Variants in VPS13B observed in about 807,000 individuals in gnomAD.
VPS13B encodes vacuolar protein sorting 13 homolog B.
Under a neutral mutation model 426.4 loss-of-function variants are expected in VPS13B, and 285 were observed. The ratio of observed to expected loss-of-function variants is 0.67; its 90% confidence interval spans 0.61 to 0.74. The LOEUF (loss-of-function observed/expected upper bound fraction) is 0.74. VPS13B is among the 30% of genes least tolerant of loss of function. The probability of loss-of-function intolerance (pLI) is 0.00; values close to 1 mark genes in which losing one functional copy is unlikely to be tolerated. For synonymous variants in VPS13B, 1,676 were observed against 1,676.4 expected, an observed-to-expected ratio of 1.00 and a Z score of 0.01; for missense variants, 4,537 against 4,782.6, an observed-to-expected ratio of 0.95 and a Z score of 1.51.
At chr8:99,811,306 C>T (rs1005453054) in intron 44 of VPS13B, among the ~76,000 whole-genome samples, 6 of 152,172 alleles carry the variant, frequency 3.9e-5, no homozygotes, top group African/African-American at 9.6e-5. Flanking sequence ...AAGCGCAAAA[C>T]TTGTGAGAAC....
intron 30 of VPS13B, among the ~76,000 whole-genome samples, chr8:99,539,187 A>G (rs1823419087): frequency 6.6e-6 from 1 of 152,222 alleles, no homozygotes; most frequent in Non-Finnish European, 1.5e-5. Context: ...TTTAAAAATA[A>G]CTGAGGCCTT....
At chr8:99,474,010 A>T (rs959796883) in intron 24 of VPS13B, among the ~76,000 whole-genome samples, 1 of 152,128 alleles carries the variant, frequency 6.6e-6, no homozygotes, top group Non-Finnish European at 1.5e-5. Context: ...AAGTAAAGAG[A>T]TATATCTCCT....
intron 31 of VPS13B, among the ~76,000 whole-genome samples, chr8:99,567,939 T>C (rs536387012): frequency 6.6e-6 from 1 of 152,228 alleles, no homozygotes; most frequent in South Asian, 2.1e-4. Context: ...ATAAGAGTAA[T>C]TGGGAAATTT....
intron 26 of VPS13B, among the ~76,000 whole-genome samples, chr8:99,502,239 C>T (rs553282310): frequency 3.3e-5 from 5 of 152,236 alleles, no homozygotes; most frequent in African/African-American, 9.6e-5. Context: ...CCACGTTGGC[C>T]GCCCAAAGTG....
At chr8:99,407,281 G>A (rs1815384573) in intron 21 of VPS13B, among the ~76,000 whole-genome samples, 1 of 151,962 alleles carries the variant, frequency 6.6e-6, no homozygotes, top group East Asian at 1.9e-4. Context: ...CTTTAAAAAA[G>A]GTATATGTAA....
chr8:99,075,908 T>G (rs1845094470), intron 3 of VPS13B, among the ~76,000 whole-genome samples: 1 of 152,152 alleles, frequency 6.6e-6, no homozygotes, highest in Non-Finnish European at 1.5e-5. Context: ...TGTGCTAGCT[T>G]TGTGTTGGTT....
chr8:99,719,951 C>A (rs1394364983), intron 37 of VPS13B, among the ~76,000 whole-genome samples: 1 of 152,174 alleles, frequency 6.6e-6, no homozygotes, highest in Admixed American at 6.5e-5. Flanking sequence ...GGCAGAATGT[C>A]AGAGCTGTCC....
In VPS13B at chr8:99,661,374, G is replaced by A; in HGVS notation, c.5929G>A (p.Glu1977Lys). The A allele has an allele frequency of 6.2e-7, 1 of 1,613,634 alleles. No homozygotes were observed. The change falls in exon 35 of 62, where the codon GAA (glutamate) becomes AAA (lysine). Residue 1977 changes from glutamate to lysine, a missense_variant. Around this residue, in one of 2 missense-constraint regions of VPS13B, gnomAD observed 4,311 missense variants for 4,474.3 expected, o/e 0.96. Transcript: ENST00000357162. The part of the protein sequence containing the change: ...KCIDPGKTLP[E>K]ALDYCTVWLQ... The stretch of plus-strand genomic sequence containing the variant: ...TTTAGATCCTGGGAAGACTCTGCCT[G>A]AAGCCCTTGATTATTGCACTGTTTG...
At chr8:99,163,702 C>T (rs1811820648) in intron 15 of VPS13B, among the ~76,000 whole-genome samples, 1 of 152,206 alleles carries the variant, frequency 6.6e-6, no homozygotes, top group Non-Finnish European at 1.5e-5. Flanking sequence ...AGTGCGGAGC[C>T]CACCAAGCCC....
intron 31 of VPS13B, among the ~76,000 whole-genome samples, chr8:99,559,047 T>G (rs1011277710): frequency 2.6e-5 from 4 of 152,230 alleles, no homozygotes; most frequent in Non-Finnish European, 5.9e-5. Flanking sequence ...GTGTTCCTAT[T>G]TCTCCACATC....
chr8:99,613,666 C>T (rs768764196), intron 33 of VPS13B: 3 of 152,092 alleles, frequency 2.0e-5, no homozygotes, highest in Non-Finnish European at 4.4e-5. Flanking sequence ...TCAAAGCACC[C>T]GGGACCTGAA....
intron 43 of VPS13B, among the ~76,000 whole-genome samples, chr8:99,785,536 T>G (rs904904275): frequency 1.3e-5 from 2 of 152,118 alleles, no homozygotes; most frequent in Non-Finnish European, 2.9e-5. Flanking sequence ...TTCATAAAAA[T>G]TTTTTCACAT....
At chr8:99,653,953 C>A (rs913930016) in intron 34 of VPS13B, among the ~76,000 whole-genome samples, 3 of 152,018 alleles carry the variant, frequency 2.0e-5, no homozygotes, top group African/African-American at 4.8e-5. Flanking sequence ...GAGATGGTGG[C>A]ACTTACCTTG....
In VPS13B at chr8:99,602,523, T is replaced by C. The variant is rs969733423; in HGVS notation, c.5220+24890T>C. On this transcript the variant is annotated intron_variant, in intron 33 of 61. Transcript: ENST00000357162. ...CTCCTATTCAACATAGTATTGGAAG[T>C]TCTGGCCAGGGCAATCAGGCAAGAG... 4.6e-5 allele frequency among the ~76,000 whole-genome samples: 7 copies of C among 152,250 alleles called. No individual in the cohort carries two copies. The East Asian group carries it at 9.6e-4, about 21-fold the overall frequency.
At chr8:99,124,774 C>T (rs185408958) in intron 8 of VPS13B, among the ~76,000 whole-genome samples, 74 of 146,450 alleles carry the variant, frequency 5.1e-4, no homozygotes, top group African/African-American at 1.7e-3. Context: ...CCCAGCTACT[C>T]GGGAGGCTGA....
chr8:99,368,205 A>G (rs888869807), intron 19 of VPS13B, among the ~76,000 whole-genome samples: 3 of 152,200 alleles, frequency 2.0e-5, no homozygotes, highest in Non-Finnish European at 4.4e-5. Context: ...TAGTTTTTGT[A>G]TCCTGATTCT....
intron 30 of VPS13B, among the ~76,000 whole-genome samples, chr8:99,548,132 T>G (rs1021315775): frequency 6.6e-6 from 1 of 152,110 alleles, no homozygotes; most frequent in African/African-American, 2.4e-5. Context: ...TACCTATGAT[T>G]AGCTGCTTAG....
intron 19 of VPS13B, among the ~76,000 whole-genome samples, chr8:99,374,656 A>T (rs1219209290): frequency 1.3e-5 from 2 of 152,224 alleles, no homozygotes; most frequent in African/African-American, 4.8e-5. Flanking sequence ...TGTCCAAAAA[A>T]ATACATGCCT....
intron 19 of VPS13B, among the ~76,000 whole-genome samples, chr8:99,326,284 T>C (rs368085022): frequency 1.3e-4 from 20 of 152,124 alleles, no homozygotes; most frequent in Middle Eastern, 3.4e-3. Context: ...TATTTACATT[T>C]TATGTTTGAT....
Sources: gnomAD v4.1 joint callset for allele counts (sites outside exome capture counted in the v4.1 genomes callset) on GRCh38, gnomAD v4.1.1 for gene constraint, gnomAD v4.1.1 regional missense constraint, MANE v1.5 for transcripts, NCBI Gene and HGNC (gene_info 2026-07-23, HGNC 2026-07-21) for gene names.